ZNF558: variants seen among roughly 807,000 people sequenced by gnomAD.
ZNF558 encodes the protein zinc finger protein 558.
In ZNF558, 23 loss-of-function variants were observed where a neutral mutation model predicts 37.6. The observed-to-expected ratio is 0.61, with a 90% CI of 0.44 to 0.87. The LOEUF is 0.87. Ranked by LOEUF, ZNF558 falls within the 40% of genes least tolerant of loss-of-function variation. The pLI is 0.00. For synonymous variants in ZNF558, 189 were observed against 174.4 expected (o/e 1.08, Z -0.66); for missense variants, 429 against 483.7 (o/e 0.89, Z 1.06).
At position 8,822,907 on chromosome 19, in the gene ZNF558, C is replaced by T. The variant is rs1188303682; in HGVS notation, c.-65-183G>A. On this transcript the variant is annotated intron_variant, in intron 4 of 9. Coordinates refer to ENST00000601372, the MANE Select transcript of ZNF558 (RefSeq NM_144693.3). This position sits in a 1 kb window ranked among gnomAD's most constrained non-coding sequence, Gnocchi z 4.4. ...GCCACCTGATGGAAAACTTGCCTTC[C>T]TCTGTCCCCAACACAACGACCAGTA... 18 of 591,418 alleles carry T rather than the reference C, an allele frequency of 3.0e-5. No homozygotes were observed. Among genetic ancestry groups the T allele is most frequent in the East Asian group, 8.9e-5 (3 of 33,842 alleles). 36.6% of individuals were successfully genotyped at this position (591,418 alleles called of 1,614,324 possible).
Position 8,824,335 on chromosome 19 carries a change from G to A in ZNF558, c.-319C>T, listed in dbSNP as rs1262975580. 6.6e-6 allele frequency: 1 copy of A among 152,244 alleles called. No individual in the cohort carries two copies. The highest frequency in any genetic ancestry group is 1.5e-5 in the Non-Finnish European group (1 of 68,108). 9.4% of individuals were successfully genotyped at this position (152,244 alleles called of 1,614,324 possible). On this transcript the variant is annotated 5_prime_UTR_variant, in exon 4 of 10. Transcript: ENST00000601372. Reference sequence around the variant, plus strand: ...CATGGAGTGGCCCCCGGTACCCGTTGAGCCTTCAGATGATGCAGACCCAGC... The same window carrying A: ...CATGGAGTGGCCCCCGGTACCCGTTAAGCCTTCAGATGATGCAGACCCAGC...
chr19:8,821,290 T>C lies in ZNF558; in HGVS notation c.137A>G (p.Glu46Gly), dbSNP rs904720033. 2 of 1,614,034 alleles carry C rather than the reference T, an allele frequency of 1.2e-6. No individual in the cohort carries two copies. Among genetic ancestry groups the C allele is most frequent in the Admixed American group, 3.3e-5 (2 of 59,984 alleles). Reference sequence around the variant, plus strand: ...CTGGGTGAACTCCACGGCCACATCCTCGAAGGTTACCAAGCCCTAAAGCAT... The same window carrying C: ...CTGGGTGAACTCCACGGCCACATCCCCGAAGGTTACCAAGCCCTAAAGCAT... ...TSWLRGLVTF[E>G]DVAVEFTQEE... Residue 46 changes from glutamate (E) to glycine (G), a missense_variant, in exon 7 of 10, where the codon GAG becomes GGG. Transcript: ENST00000601372.
chr19:8,812,646 G>C lies in ZNF558; in HGVS notation c.344-3C>G, dbSNP rs2043824514. ...GGCTTTAAGTAGAGTCTCCAAATCT[G>C]AAACAAATTGAAAAGAAATTTAGGT... On this transcript the variant is annotated splice_polypyrimidine_tract_variant and splice_region_variant and intron_variant, in intron 8 of 9. Transcript: ENST00000601372. The C allele has an allele frequency of 6.4e-7, 1 of 1,574,170 alleles. No homozygotes were observed. Among genetic ancestry groups the C allele is most frequent in the Admixed American group, 2.0e-5 (1 of 50,358 alleles).
At chr19:8,834,378 G>A (rs1355813791), upstream of ZNF558, among the ~76,000 whole-genome samples, 2 of 152,138 alleles carry the variant, frequency 1.3e-5, no homozygotes, top group Non-Finnish European at 2.9e-5. Flanking sequence ...GGGAGGCTGA[G>A]GCAGGCAGAT....
In ZNF558 at chr19:8,822,883, C is replaced by A; in HGVS notation, c.-65-159G>T. 4 of 651,754 alleles carry A rather than the reference C, an allele frequency of 6.1e-6. No homozygotes were observed. The South Asian group carries it at 7.5e-5, about 12-fold the overall frequency. 40.4% of individuals were successfully genotyped at this position (651,754 alleles called of 1,614,324 possible). A position where few individuals can be genotyped will look rare whatever the true frequency, so the allele number is the denominator to read the frequency against. On this transcript the variant is annotated intron_variant, in intron 4 of 9. Transcript: ENST00000601372. This position sits in a 1 kb window ranked among gnomAD's most constrained non-coding sequence, Gnocchi z 4.4. ...TGCTGAGCAGGCAATGAATTCAGGGCCACCTGATGGAAAACTTGCCTTCCT... is the reference window on the plus strand; with the variant it reads ...TGCTGAGCAGGCAATGAATTCAGGGACACCTGATGGAAAACTTGCCTTCCT...
At position 8,810,695 on chromosome 19, in the gene ZNF558, C is replaced by A. The variant is rs2145172608; in HGVS notation, c.*586G>T. The A allele has an allele frequency of 6.6e-6, 1 of 152,412 alleles. No homozygotes were observed. The highest frequency in any genetic ancestry group is 2.4e-5 in the African/African-American group (1 of 41,570). The allele number at this position is 152,412 out of a possible 1,614,324, so 9.4% of individuals were successfully genotyped here. On this transcript the variant is annotated 3_prime_UTR_variant, in exon 10 of 10. Transcript: ENST00000601372. The stretch of plus-strand genomic sequence containing the variant: ...AATTTCCCAGATGCTTCTGAGTTAT[C>A]TGTTTCCTGGTATTCATACCTTCTG...
intron 7 of ZNF558, among the ~76,000 whole-genome samples, chr19:8,819,955 A>T (rs948002830): frequency 6.6e-6 from 1 of 152,172 alleles, no homozygotes; most frequent in Non-Finnish European, 1.5e-5. Context: ...AAACAAGCAA[A>T]CAAACAAATA....
rs1555767819 is a variant in ZNF558, at chr19:8,811,296, A to G, written c.1194T>C (p.His398=). 1.3e-6 allele frequency: 2 copies of G among 1,578,014 alleles called. No individual in the cohort carries two copies. Among genetic ancestry groups the G allele is most frequent in the South Asian group, 2.4e-5 (2 of 84,202 alleles). ...NSYLSVHKRI[H]NRWI is the part of the protein sequence containing the mutation. ...CTGCAGTAATTCATATCCATCTATT[A>G]TGTATTCTCTTGTGCACAGAAAGAT... The change falls in exon 10 of 10, where the codon CAT becomes CAC. Residue 398 remains histidine (H), a synonymous_variant. Coordinates refer to ENST00000601372, the MANE Select transcript of ZNF558 (RefSeq NM_144693.3).
In ZNF558 at chr19:8,813,212, A is replaced by G; in HGVS notation, c.258T>C (p.Val86=). ...ACTGGGATATCAGACTGGGTTTATT[A>G]ACACGACACCCTATTTATGGAAACA... The part of the protein sequence containing the change: ...CRNLASLGCR[V]NKPSLISQLE... Residue 86 remains valine (V), a synonymous_variant, in exon 8 of 10, where the codon GTT becomes GTC. Coordinates refer to ENST00000601372, the MANE Select transcript of ZNF558 (RefSeq NM_144693.3). 6.3e-7 allele frequency: 1 copy of G among 1,591,578 alleles called. No individual in the cohort carries two copies. The highest frequency in any genetic ancestry group is 8.6e-7 in the Non-Finnish European group (1 of 1,167,732).
intron 1 of ZNF558, among the ~76,000 whole-genome samples, chr19:8,831,880 T>A (rs1196963975): frequency 6.6e-6 from 1 of 152,156 alleles, no homozygotes; most frequent in Non-Finnish European, 1.5e-5. Flanking sequence ...GCAGCGTCCC[T>A]CTTCCCCGGC....
At chr19:8,813,272 C>A (rs2043843643) in intron 7 of ZNF558, 50 bp from the exon 8 acceptor site, 2 of 1,453,824 alleles carry the variant, frequency 1.4e-6, no homozygotes, top group Admixed American at 2.0e-5. Context: ...CTGGGGACAA[C>A]CAAGTCCATG....
Position 8,808,393 on chromosome 19 carries a change from A to C in ZNF558, c.*2888T>G, listed in dbSNP as rs923765874. On this transcript the variant is annotated 3_prime_UTR_variant, in exon 10 of 10. Transcript: ENST00000601372. ...TGCTATGTAAAAATATCATCTCCAC[A>C]TAAAAAGGAATACAGAATACCTAAT... The C allele has an allele frequency of 1.6e-3, 73 of 46,798 alleles. 3 individuals carry two copies. Among genetic ancestry groups the C allele is most frequent in the African/African-American group, 0.013 (73 of 5,668 alleles). The allele number at this position is 46,798 out of a possible 1,614,324, so 2.9% of individuals were successfully genotyped here.
At chr19:8,821,065 T>C (rs1031621251) in intron 7 of ZNF558, 115 bp downstream of exon 7, 1 of 1,462,114 alleles carries the variant, frequency 6.8e-7, no homozygotes, top group South Asian at 1.4e-5. Flanking sequence ...TTAGAATGGT[T>C]AAAAATGGTG....
At chr19:8,833,695 C>T (rs1276673550), upstream of ZNF558, among the ~76,000 whole-genome samples, 1 of 152,106 alleles carries the variant, frequency 6.6e-6, no homozygotes, top group Non-Finnish European at 1.5e-5. Context: ...GCGTTAGATA[C>T]CACTAAGTGC....
chr19:8,831,597 G>A (rs1420262476), intron 1 of ZNF558, among the ~76,000 whole-genome samples, 196 bp from the exon 2 acceptor site: 1 of 152,186 alleles, frequency 6.6e-6, no homozygotes, highest in Admixed American at 6.5e-5. Flanking sequence ...TCCGTAAGAG[G>A]GGAGAAAGCA....
intron 7 of ZNF558, among the ~76,000 whole-genome samples, chr19:8,815,894 T>A (rs571472167): frequency 6.6e-6 from 1 of 152,006 alleles, no homozygotes; most frequent in Non-Finnish European, 1.5e-5. Flanking sequence ...ATATATAGGA[T>A]GTGGAGAACC....
chr19:8,838,006 T>A, the ZNF558 span, among the ~76,000 whole-genome samples: 1 of 151,748 alleles, frequency 6.6e-6, no homozygotes, highest in Non-Finnish European at 1.5e-5. Context: ...CCCAGCACTT[T>A]GGGAGGCCGA....
chr19:8,810,963 C>A lies in ZNF558; in HGVS notation c.*318G>T, dbSNP rs1555767590. 2 of 216,724 alleles carry A rather than the reference C, an allele frequency of 9.2e-6. No individual in the cohort carries two copies. Among genetic ancestry groups the A allele is most frequent in the African/African-American group, 2.3e-5 (1 of 43,246 alleles). The allele number at this position is 216,724 out of a possible 1,614,324, so 13.4% of individuals were successfully genotyped here. A position where few individuals can be genotyped will look rare whatever the true frequency, so the allele number is the denominator to read the frequency against. On this transcript the variant is annotated 3_prime_UTR_variant, in exon 10 of 10. Transcript: ENST00000601372. The stretch of plus-strand genomic sequence containing the variant: ...CTGACAACAACCAACATCAACTTTC[C>A]AGGCATGTGAATAAGTCATCTTGGA...
rs933783779 is a variant in ZNF558, at chr19:8,808,667, T to C, written c.*2614A>G. 57 of 152,362 alleles carry C rather than the reference T, an allele frequency of 3.7e-4. No individual in the cohort carries two copies. The highest frequency in any genetic ancestry group is 1.4e-3 in the African/African-American group (57 of 41,588). The allele number at this position is 152,362 out of a possible 1,614,324, so 9.4% of individuals were successfully genotyped here. A position where few individuals can be genotyped will look rare whatever the true frequency, so the allele number is the denominator to read the frequency against. ...CAACATGGGTAAAACTTGACCAATT[T>C]ATAGGTTTACCAGTTAGATTCTGCA... On this transcript the variant is annotated 3_prime_UTR_variant, in exon 10 of 10. Coordinates refer to ENST00000601372, the MANE Select transcript of ZNF558 (RefSeq NM_144693.3).
Sources: gnomAD v4.1 joint callset for allele counts (sites outside exome capture counted in the v4.1 genomes callset) on GRCh38, gnomAD v4.1.1 for gene constraint, Gnocchi (gnomAD v3.1) non-coding constraint, MANE v1.5 for transcripts, NCBI Gene and HGNC (gene_info 2026-07-23, HGNC 2026-07-21) for gene names.